The following NDUFA9 variants were observed in gnomAD, a reference collection of about 807,000 sequenced individuals.
The protein encoded by NDUFA9 is NADH:ubiquinone oxidoreductase subunit A9.
A neutral mutation model predicts 45.9 loss-of-function variants in NDUFA9; 23 were observed. The ratio of observed to expected loss-of-function variants is 0.50; its 90% CI spans 0.36 to 0.71. The LOEUF (loss-of-function observed/expected upper bound fraction) is 0.71, where lower values mean the gene tolerates loss of function less well. Ranked by LOEUF, NDUFA9 falls within the 30% of genes least tolerant of loss-of-function variation. NDUFA9 has a pLI of 0.00. For missense variants in NDUFA9, 466 were observed against 488.2 expected, an observed-to-expected ratio of 0.95 and a Z score of 0.43; for synonymous variants, 176 against 170.5, an observed-to-expected ratio of 1.03 and a Z score of -0.25.
intron 8 of NDUFA9, among the ~76,000 whole-genome samples, chr12:4,681,271 A>T (rs1017786462): frequency 6.6e-6 from 1 of 152,184 alleles, no homozygotes; most frequent in African/African-American, 2.4e-5. Flanking sequence ...AACAGTTAAA[A>T]TTTTATGTGC....
At chr12:4,654,756 A>G in intron 2 of NDUFA9, 69 bp from the exon 3 acceptor site, 1 of 1,223,638 alleles carries the variant, frequency 8.2e-7, no homozygotes, top group Non-Finnish European at 1.2e-6. Flanking sequence ...AATATTTACC[A>G]AGTCACAATT....
At chr12:4,662,666 G>A in intron 6 of NDUFA9, 31 bp downstream of exon 6, 1 of 1,535,322 alleles carries the variant, frequency 6.5e-7, no homozygotes, top group South Asian at 1.1e-5. Context: ...GTAGAAGAGA[G>A]GGATACTGAT....
intron 7 of NDUFA9, among the ~76,000 whole-genome samples, chr12:4,669,076 G>C (rs1192561410): frequency 1.3e-5 from 2 of 152,196 alleles, no homozygotes; most frequent in Admixed American, 1.3e-4. Flanking sequence ...TTCCATGTTA[G>C]ATTGAACCAA....
Position 4,663,469 on chromosome 12 carries a change from G to C in NDUFA9, c.655+834G>C, listed in dbSNP as rs146321672. On this transcript the variant is annotated intron_variant, in intron 6 of 10. Coordinates refer to ENST00000266544, the MANE Select transcript of NDUFA9 (RefSeq NM_005002.5). ...TAAATGAGGCCATAAGGGTGAGGTC[G>C]TAATTCAGTAGGATTGGTGACCTTA... 9.2e-5 allele frequency among the ~76,000 whole-genome samples: 14 copies of C among 152,294 alleles called. No individual in the cohort carries two copies. The East Asian group carries it at 2.7e-3, about 29-fold the overall frequency.
chr12:4,651,867 A>G (rs1440751640), intron 1 of NDUFA9, among the ~76,000 whole-genome samples: 1 of 152,204 alleles, frequency 6.6e-6, no homozygotes, highest in Non-Finnish European at 1.5e-5. Context: ...GCTGCCTGCC[A>G]CTGAGCAATG....
At chr12:4,659,329 A>G in intron 5 of NDUFA9, 152 bp downstream of exon 5, 1 of 709,094 alleles carries the variant, frequency 1.4e-6, no homozygotes, top group East Asian at 2.8e-5. Flanking sequence ...GGTGTGTGTG[A>G]TGTTTTGACG....
At chr12:4,685,450 C>G in intron 10 of NDUFA9, 125 bp downstream of exon 10, 1 of 842,408 alleles carries the variant, frequency 1.2e-6, no homozygotes, top group East Asian at 2.6e-5. Flanking sequence ...GCAGTCAGCC[C>G]CTCTACTAGC....
chr12:4,654,582 G>A (rs1349040381), intron 2 of NDUFA9, 120 bp downstream of exon 2: 3 of 1,201,422 alleles, frequency 2.5e-6, no homozygotes, highest in South Asian at 3.1e-5. Context: ...TGTCTTGGAT[G>A]TATGTAATTT....
intron 5 of NDUFA9, among the ~76,000 whole-genome samples, chr12:4,660,946 A>G (rs935618722): frequency 1.3e-5 from 2 of 152,082 alleles, no homozygotes; most frequent in Admixed American, 6.6e-5. Context: ...TTGACTGGCA[A>G]GAGGAAGATG....
Position 4,657,758 on chromosome 12 carries a change from CGA to C in NDUFA9, c.334_335del (p.Asp112Ter). 6.2e-7 allele frequency: 1 copy of C among 1,612,466 alleles called. No homozygotes were observed. The highest frequency in any genetic ancestry group is 8.5e-7 in the Non-Finnish European group (1 of 1,178,882). ...TTTCTGCTATTATAGGAATGGGACGCGAGAGATAAAGATTCTATCCGACGAGT... is the reference window on the plus strand; with the variant it reads ...TTTCTGCTATTATAGGAATGGGACGCGAGATAAAGATTCTATCCGACGAGT... On this transcript the variant is annotated frameshift_variant, in exon 4 of 11. Coordinates refer to ENST00000266544, the MANE Select transcript of NDUFA9 (RefSeq NM_005002.5). LOFTEE classifies it high-confidence loss of function.
rs939641584 is a variant in NDUFA9 at position 4,689,576 on chromosome 12, G to C, written c.*2468G>C. 8 of 183,234 alleles carry C rather than the reference G, an allele frequency of 4.4e-5. No homozygotes were observed. Among genetic ancestry groups the C allele is most frequent in the Non-Finnish European group, 8.7e-5 (8 of 92,108 alleles). The allele number at this position is 183,234 out of a possible 1,614,324, so 11.4% of individuals were successfully genotyped here. Reference sequence around the variant, plus strand: ...CACCGCCCTTAATCCATTTAACCCTGAGTGGACACAGCACATGTTTCAGAG... The same window carrying C: ...CACCGCCCTTAATCCATTTAACCCTCAGTGGACACAGCACATGTTTCAGAG... On this transcript the variant is annotated 3_prime_UTR_variant, in exon 11 of 11. Coordinates refer to ENST00000266544, the MANE Select transcript of NDUFA9 (RefSeq NM_005002.5).
intron 9 of NDUFA9, among the ~76,000 whole-genome samples, chr12:4,683,544 A>G (rs1431311004): frequency 6.6e-6 from 1 of 152,236 alleles, no homozygotes; most frequent in Non-Finnish European, 1.5e-5. Context: ...AGAAAAATAG[A>G]CCACTAGAAT....
intron 3 of NDUFA9, chr12:4,655,404 T>C (rs1945783980): frequency 6.5e-6 from 1 of 153,456 alleles, no homozygotes; most frequent in South Asian, 2.0e-4. Context: ...CTAGTCTGAA[T>C]TGAGATATGC....
intron 8 of NDUFA9, among the ~76,000 whole-genome samples, chr12:4,679,170 ATGT>A (rs1945938161): frequency 6.6e-6 from 1 of 152,226 alleles, no homozygotes; most frequent in Non-Finnish European, 1.5e-5. Flanking sequence ...AGAAGATCAC[ATGT>A]TGTGTGATTC....
chr12:4,682,094 C>A, intron 8 of NDUFA9, 111 bp from the exon 9 acceptor site: 1 of 687,372 alleles, frequency 1.5e-6, no homozygotes, highest in Non-Finnish European at 2.5e-6. Context: ...TATTCTGTAT[C>A]TACTACAGTG....
intron 10 of NDUFA9, among the ~76,000 whole-genome samples, chr12:4,685,657 C>T (rs183682499): frequency 6.6e-6 from 1 of 151,828 alleles, no homozygotes; most frequent in East Asian, 1.9e-4. Context: ...ATCCTAACTC[C>T]TCCTAACTTC....
Position 4,682,216 on chromosome 12 carries a change from A to G in NDUFA9, c.812A>G (p.Tyr271Cys), listed in dbSNP as rs781638471. ...KSFAFVGPSR[Y>C]LLFHLVKYIF... ...TTGTCTTTTTATAGTCCCAGTCGGT[A>G]CCTCCTTTTCCACCTGGTGAAGTAC... The change falls in exon 9 of 11, where the codon TAC becomes TGC. Residue 271 changes from tyrosine (Y) to cysteine (C), a missense_variant. By Grantham distance (194) the Tyr-to-Cys change is radical. Coordinates refer to ENST00000266544, the MANE Select transcript of NDUFA9 (RefSeq NM_005002.5). 2 of 1,610,794 alleles carry G rather than the reference A, an allele frequency of 1.2e-6. No homozygotes were observed. Among genetic ancestry groups the G allele is most frequent in the Non-Finnish European group, 1.7e-6 (2 of 1,177,822 alleles).
intron 10 of NDUFA9, 117 bp downstream of exon 10, chr12:4,685,442 AG>A: frequency 2.1e-6 from 2 of 940,836 alleles, no homozygotes; most frequent in South Asian, 1.6e-5. Flanking sequence ...TGCTGTCTGC[AG>A]TCAGCCCCTC....
At position 4,654,438 on chromosome 12, in the gene NDUFA9, G is replaced by A; in HGVS notation, c.196G>A (p.Gly66Arg). 1 of 1,614,050 alleles carries A rather than the reference G, an allele frequency of 6.2e-7. No homozygotes were observed. Among genetic ancestry groups the A allele is most frequent in the Non-Finnish European group, 8.5e-7 (1 of 1,179,968 alleles). Residue 66 changes from glycine to arginine, a missense_variant, in exon 2 of 11, where the codon GGG (glycine) becomes AGG (arginine). Coordinates refer to ENST00000266544, the MANE Select transcript of NDUFA9 (RefSeq NM_005002.5). The stretch of plus-strand genomic sequence containing the variant: ...TGTGTTTGGAGCAACAGGATTCCTG[G>A]GGCGATATGTTGTCAACCACCTTGG... The part of the protein sequence containing the change: ...ATVFGATGFL[G>R]RYVVNHLGRM...
Sources: gnomAD v4.1 joint callset for allele counts (sites outside exome capture counted in the v4.1 genomes callset) on GRCh38, gnomAD v4.1.1 for gene constraint, MANE v1.5 for transcripts, NCBI Gene and HGNC (gene_info 2026-07-23, HGNC 2026-07-21) for gene names.